Variants in NCAM2 observed in about 807,000 individuals in gnomAD.
NCAM2 encodes neural cell adhesion molecule 2, also known as N-CAM-2.
A neutral mutation model predicts 98.1 loss-of-function variants in NCAM2; 30 were observed. The observed-to-expected ratio is 0.31, with a 90% CI of 0.23 to 0.41. The LOEUF (loss-of-function observed/expected upper bound fraction) is 0.41, where lower values mean the gene tolerates loss of function less well. NCAM2 is among the 10% of genes least tolerant of loss of function. The probability of loss-of-function intolerance (pLI) is 1.00; values close to 1 mark genes in which losing one functional copy is unlikely to be tolerated. For missense variants in NCAM2, 867 were observed against 1,005.8 expected (o/e 0.86, Z 1.87); for synonymous variants, 368 against 342.4 (o/e 1.07, Z -0.83).
chr21:21,416,712 T>C (rs62207445), intron 10 of NCAM2, among the ~76,000 whole-genome samples: 37,774 of 152,042 alleles, frequency 0.25, 4,888 homozygotes, highest in South Asian at 0.33. Flanking sequence ...TTTTACTTAA[T>C]GGTCTATAAT....
At chr21:21,390,656 GA>G (rs2076361191) in intron 9 of NCAM2, among the ~76,000 whole-genome samples, 1 of 152,112 alleles carries the variant, frequency 6.6e-6, no homozygotes, top group Non-Finnish European at 1.5e-5. Context: ...TTACATTAAA[GA>G]CAAGAATTGA....
intron 1 of NCAM2, among the ~76,000 whole-genome samples, chr21:21,229,002 G>A (rs1210296835): frequency 6.6e-6 from 1 of 151,178 alleles, no homozygotes; most frequent in East Asian, 1.9e-4. Context: ...TATGATTTAA[G>A]TTACTCTTTT....
At chr21:21,439,816 T>C (rs1978973920) in intron 12 of NCAM2, among the ~76,000 whole-genome samples, 1 of 152,242 alleles carries the variant, frequency 6.6e-6, no homozygotes, top group Admixed American at 6.5e-5. Context: ...CAAAGAAAAC[T>C]ACTCTTGCAT....
At chr21:21,135,146 T>C (rs957371392) in intron 1 of NCAM2, among the ~76,000 whole-genome samples, 1 of 149,332 alleles carries the variant, frequency 6.7e-6, no homozygotes, top group Non-Finnish European at 1.5e-5. Context: ...CTCTGGAGGC[T>C]GAGGCAGGAG....
intron 1 of NCAM2, among the ~76,000 whole-genome samples, chr21:21,037,611 A>G (rs2064824585): frequency 6.6e-6 from 1 of 152,188 alleles, no homozygotes. Context: ...GACAACAGAT[A>G]AACACTAATT....
intron 1 of NCAM2, among the ~76,000 whole-genome samples, chr21:21,040,593 G>A (rs769815610): frequency 2.6e-5 from 4 of 151,552 alleles, no homozygotes; most frequent in African/African-American, 9.7e-5. Context: ...ATGGAATACC[G>A]TTCAGTCTTA....
chr21:21,410,156 G>T, intron 9 of NCAM2, 118 bp from the exon 10 acceptor site: 1 of 595,492 alleles, frequency 1.7e-6, no homozygotes, highest in Non-Finnish European at 2.5e-6. Context: ...AAAAATACAC[G>T]AAATTAGAAT....
At chr21:21,394,836 A>C (rs779462488) in intron 9 of NCAM2, among the ~76,000 whole-genome samples, 2 of 152,156 alleles carry the variant, frequency 1.3e-5, no homozygotes, top group Non-Finnish European at 2.9e-5. Flanking sequence ...ATTGAAGTCC[A>C]AATTTCTGTG....
chr21:21,236,251 A>G (rs2070817954), intron 1 of NCAM2, among the ~76,000 whole-genome samples: 1 of 152,030 alleles, frequency 6.6e-6, no homozygotes, highest in African/African-American at 2.4e-5. Context: ...CATAAATATA[A>G]TAGAGTAATT....
At chr21:21,343,358 T>TACACACACAC (rs71195322) in intron 8 of NCAM2, among the ~76,000 whole-genome samples, 1,737 of 120,816 alleles carry the variant, frequency 0.014, 31 homozygotes, top group African/African-American at 0.047. Flanking sequence ...TCTATACACA[T>TACACACACAC]ACACACACAC....
rs532777659 is a variant in NCAM2 at position 21,025,071 on chromosome 21, T to C, written c.55+26453T>C. On this transcript the variant is annotated intron_variant, in intron 1 of 17. Coordinates refer to ENST00000400546, the MANE Select transcript of NCAM2 (RefSeq NM_004540.5). ...TCTTTTATTACAAAGGAAAAGGATT[T>C]AAAAATTAAGGACTATAACTTTTTT... is the stretch of plus-strand genomic sequence containing the variant. Among the ~76,000 whole-genome samples, 5 of 152,232 alleles carry C rather than the reference T, an allele frequency of 3.3e-5. No individual in the cohort carries two copies. In the South Asian group the frequency reaches 1.0e-3, roughly 32 times the overall value.
intron 12 of NCAM2, among the ~76,000 whole-genome samples, chr21:21,447,597 G>A (rs1980382275): frequency 1.3e-5 from 2 of 152,078 alleles, no homozygotes; most frequent in African/African-American, 4.8e-5. Context: ...TATCATCAGA[G>A]TGAACAGGCA....
At position 21,388,597 on chromosome 21, in the gene NCAM2, T is replaced by C. The variant is rs571468816; in HGVS notation, c.1195+14584T>C. ...GGCAGCCACTTGTTACATATGGCTA[T>C]GGAGCACTGGAAATGCTGCCGGTAC... On this transcript the variant is annotated intron_variant, in intron 9 of 17. Transcript: ENST00000400546. Among the ~76,000 whole-genome samples, 13 of 152,344 alleles carry C rather than the reference T, an allele frequency of 8.5e-5. No homozygotes were observed. In the South Asian group the frequency reaches 1.7e-3, roughly 19 times the overall value.
At chr21:21,096,611 A>G (rs1438880076) in intron 1 of NCAM2, among the ~76,000 whole-genome samples, 1 of 151,798 alleles carries the variant, frequency 6.6e-6, no homozygotes, top group African/African-American at 2.4e-5. Context: ...ATCATTTATT[A>G]TTGGTACCAC....
intron 15 of NCAM2, among the ~76,000 whole-genome samples, chr21:21,508,472 T>A (rs1230802098): frequency 6.6e-6 from 1 of 152,106 alleles, no homozygotes; most frequent in East Asian, 1.9e-4. Context: ...GATCTATTAA[T>A]GGGTGTCATT....
At chr21:21,214,746 T>TATATATATATACACAC (rs11268201) in intron 1 of NCAM2, among the ~76,000 whole-genome samples, 21 of 100,604 alleles carry the variant, frequency 2.1e-4, no homozygotes, top group Middle Eastern at 7.4e-3. Context: ...TATATATATA[T>TATATATATATACACAC]ACACTATATA....
chr21:21,033,757 G>C (rs564991284), intron 1 of NCAM2, among the ~76,000 whole-genome samples: 3 of 152,184 alleles, frequency 2.0e-5, no homozygotes, highest in Admixed American at 6.5e-5. Flanking sequence ...ATCTTTCCTG[G>C]ATCTGGACAA....
chr21:21,140,047 G>T (rs1246696675), intron 1 of NCAM2, among the ~76,000 whole-genome samples: 1 of 152,112 alleles, frequency 6.6e-6, no homozygotes, highest in Non-Finnish European at 1.5e-5. Flanking sequence ...TGGGTTCTAA[G>T]ATTTATCCAG....
chr21:21,314,720 A>G (rs1015826993), intron 5 of NCAM2, among the ~76,000 whole-genome samples: 2 of 151,834 alleles, frequency 1.3e-5, no homozygotes, highest in African/African-American at 2.4e-5. Context: ...TTTATGTTTG[A>G]TAACTCTCTC....
Sources: gnomAD v4.1 joint callset for allele counts (sites outside exome capture counted in the v4.1 genomes callset) on GRCh38, gnomAD v4.1.1 for gene constraint, MANE v1.5 for transcripts, NCBI Gene and HGNC (gene_info 2026-07-23, HGNC 2026-07-21) for gene names.